TBC1D14: variants seen among roughly 807,000 people sequenced by gnomAD.
TBC1D14 encodes TBC1 domain family, member 14.
A neutral mutation model predicts 79.0 loss-of-function variants in TBC1D14; 26 were observed. That is an observed-to-expected ratio of 0.33 (90% CI 0.24 to 0.46). The LOEUF (loss-of-function observed/expected upper bound fraction) is 0.46, where lower values mean the gene tolerates loss of function less well. Ranked by LOEUF, TBC1D14 falls within the 20% of genes least tolerant of loss-of-function variation. The pLI, the probability that TBC1D14 is intolerant of heterozygous loss-of-function variation, is 1.00. For missense variants in TBC1D14, 769 were observed against 887.6 expected, an observed-to-expected ratio of 0.87 and a Z score of 1.70; for synonymous variants, 394 against 349.9, an observed-to-expected ratio of 1.13 and a Z score of -1.40.
rs935404049 is a variant in TBC1D14 at position 6,923,634 on chromosome 4, G to C, written c.245G>C (p.Ser82Thr). Residue 82 changes from serine to threonine, a missense_variant, in exon 2 of 14, where the codon AGC (serine) becomes ACC (threonine). Ser to Thr is a moderately conservative substitution (Grantham distance 58). Around this residue, in one of 2 missense-constraint regions of TBC1D14, gnomAD observed 402 missense variants for 393.2 expected, o/e 1.02. Coordinates refer to ENST00000409757, the MANE Select transcript of TBC1D14 (RefSeq NM_020773.3). ...EIGNPEPVPC[S>T]AVHVRRKQSD... ...GGGAACCCGGAGCCTGTACCCTGCA[G>C]CGCGGTCCACGTGAGGAGGAAGCAG... 1 of 1,613,982 alleles carries C rather than the reference G, an allele frequency of 6.2e-7. No homozygotes were observed.
chr4:6,999,923 C>G (rs1006629297), intron 6 of TBC1D14, among the ~76,000 whole-genome samples: 2 of 152,090 alleles, frequency 1.3e-5, no homozygotes, highest in Non-Finnish European at 2.9e-5. Flanking sequence ...TGTTTTTATT[C>G]TCGTGTTCAG....
chr4:6,944,173 T>C (rs62289160), intron 2 of TBC1D14, among the ~76,000 whole-genome samples: 3,120 of 152,332 alleles, frequency 0.02, 51 homozygotes, highest in Non-Finnish European at 0.034. Flanking sequence ...GATTTTTCCT[T>C]CTTTTTTTAT....
chr4:6,998,898 A>T, intron 5 of TBC1D14, 187 bp from the exon 6 acceptor site: 2 of 582,458 alleles, frequency 3.4e-6, no homozygotes, highest in Non-Finnish European at 6.2e-6. Context: ...TTGCAAGCTT[A>T]CTAAAGGGTG....
At chr4:6,961,270 C>T (rs1715166701) in intron 2 of TBC1D14, among the ~76,000 whole-genome samples, 1 of 152,176 alleles carries the variant, frequency 6.6e-6, no homozygotes, top group Non-Finnish European at 1.5e-5. Flanking sequence ...GCGTGTTTCC[C>T]AGGCTCTGCC....
intron 2 of TBC1D14, among the ~76,000 whole-genome samples, chr4:6,930,517 G>A (rs567050087): frequency 6.6e-6 from 1 of 152,334 alleles, no homozygotes; most frequent in African/African-American, 2.4e-5. Flanking sequence ...CTATGAGGGG[G>A]CCAGGCGCAG....
intron 4 of TBC1D14, 66 bp downstream of exon 4, chr4:6,994,368 T>C: frequency 6.9e-7 from 1 of 1,446,634 alleles, no homozygotes; most frequent in South Asian, 1.1e-5. Flanking sequence ...GCTAAGCAGC[T>C]TTTCATTAGA....
In TBC1D14 at chr4:6,967,343, A is replaced by T. The variant is rs747011562; in HGVS notation, c.762A>T (p.Lys254Asn). 4 of 1,614,160 alleles carry T rather than the reference A, an allele frequency of 2.5e-6. No homozygotes were observed. The Admixed American group carries it at 6.7e-5, about 27-fold the overall frequency. ...GAAAACAAAGTGCAAGGCTTGACAA[A>T]CACAATGACTTGGGATGGAAGTTAT... ...LARKQSARLD[K>N]HNDLGWKLFG... Residue 254 changes from lysine to asparagine, a missense_variant, in exon 3 of 14, where the codon AAA (lysine) becomes AAT (asparagine). Physicochemically the swap from Lys to Asn is moderately conservative, Grantham distance 94. Transcript: ENST00000409757.
In TBC1D14 at chr4:6,912,214, C is replaced by A. The variant is rs548769829; in HGVS notation, c.-18+2263C>A. On this transcript the variant is annotated intron_variant, in intron 1 of 13. Transcript: ENST00000409757. Reference sequence around the variant, plus strand: ...GACCATCCTGGCCAACATGGTGAAACCCTGTCTATACTAAAAATACAAAAA... The same window carrying A: ...GACCATCCTGGCCAACATGGTGAAAACCTGTCTATACTAAAAATACAAAAA... Among the ~76,000 whole-genome samples the A allele has an allele frequency of 2.6e-5, 4 of 152,002 alleles. No individual in the cohort carries two copies. In the South Asian group the frequency reaches 8.3e-4, roughly 32 times the overall value.
chr4:7,019,872 A>G (rs1394713004), intron 12 of TBC1D14, among the ~76,000 whole-genome samples: 3 of 53,336 alleles, frequency 5.6e-5, no homozygotes, highest in Admixed American at 1.8e-4. Flanking sequence ...GGCTCAGGTC[A>G]GGGAGGACTC....
intron 8 of TBC1D14, among the ~76,000 whole-genome samples, chr4:7,005,977 T>A (rs1318138368): frequency 6.6e-6 from 1 of 152,224 alleles, no homozygotes; most frequent in Non-Finnish European, 1.5e-5. Flanking sequence ...TACTGATCAT[T>A]TTTACAGTCT....
intron 2 of TBC1D14, among the ~76,000 whole-genome samples, chr4:6,930,159 G>A (rs1038930917): frequency 3.3e-5 from 5 of 152,210 alleles, no homozygotes; most frequent in South Asian, 2.1e-4. Context: ...GCTCTAAGCC[G>A]GGTCAGGGTC....
intron 7 of TBC1D14, among the ~76,000 whole-genome samples, chr4:7,003,717 G>A (rs752549230): frequency 1.4e-4 from 22 of 152,082 alleles, no homozygotes; most frequent in Admixed American, 3.9e-4. Flanking sequence ...AGCCAGAGGA[G>A]TGGCGGGTGC....
chr4:7,001,129 T>G lies in TBC1D14; in HGVS notation c.1164-16T>G. The stretch of plus-strand genomic sequence containing the variant: ...GTGTGGAACAAACTCAAACTCCTGC[T>G]TCTGTTTTTGTCCAGGTGGTGCTCT... On this transcript the variant is annotated splice_polypyrimidine_tract_variant and intron_variant, in intron 6 of 13. Transcript: ENST00000409757. 1 of 1,611,236 alleles carries G rather than the reference T, an allele frequency of 6.2e-7. No individual in the cohort carries two copies. Among genetic ancestry groups the G allele is most frequent in the Non-Finnish European group, 8.5e-7 (1 of 1,177,562 alleles).
intron 3 of TBC1D14, among the ~76,000 whole-genome samples, chr4:6,982,786 G>T (rs376511222): frequency 6.6e-6 from 1 of 152,130 alleles, no homozygotes. Flanking sequence ...ATACTGCACC[G>T]ACCTCACAAA....
chr4:7,013,868 C>T lies in TBC1D14; in HGVS notation c.1648-580C>T, dbSNP rs567960675. 7.9e-5 allele frequency among the ~76,000 whole-genome samples: 12 copies of T among 152,210 alleles called. No homozygotes were observed. In the East Asian group the frequency reaches 1.2e-3, roughly 15 times the overall value. The stretch of plus-strand genomic sequence containing the variant: ...ACGCCATTCTCCTGCCTCAGCCTCC[C>T]GAGTAGCTGGGACTACAGGCGCCCG... On this transcript the variant is annotated intron_variant, in intron 11 of 13. Coordinates refer to ENST00000409757, the MANE Select transcript of TBC1D14 (RefSeq NM_020773.3).
At chr4:7,028,780 C>T (rs1487270448) in intron 13 of TBC1D14, among the ~76,000 whole-genome samples, 1 of 152,006 alleles carries the variant, frequency 6.6e-6, no homozygotes, top group Non-Finnish European at 1.5e-5. Context: ...GGTCCATGCA[C>T]ATTTCTCTCA....
intron 3 of TBC1D14, among the ~76,000 whole-genome samples, chr4:6,984,084 T>G (rs1717608945): frequency 7.2e-6 from 1 of 139,566 alleles, no homozygotes; most frequent in South Asian, 2.7e-4. Flanking sequence ...TTCACAGTAC[T>G]GGGGTGAGAG....
chr4:6,956,669 G>C (rs1437490485), intron 2 of TBC1D14, among the ~76,000 whole-genome samples: 1 of 152,248 alleles, frequency 6.6e-6, no homozygotes, highest in Non-Finnish European at 1.5e-5. Flanking sequence ...GGCAAGGCTG[G>C]CATAGCCACT....
At chr4:6,990,944 C>T (rs1185160474) in intron 3 of TBC1D14, among the ~76,000 whole-genome samples, 2 of 152,168 alleles carry the variant, frequency 1.3e-5, no homozygotes, top group Non-Finnish European at 2.9e-5. Context: ...GTGAACAGTC[C>T]TCTTTCTTCT....
Sources: gnomAD v4.1 joint callset for allele counts (sites outside exome capture counted in the v4.1 genomes callset) on GRCh38, gnomAD v4.1.1 for gene constraint, gnomAD v4.1.1 regional missense constraint, MANE v1.5 for transcripts, NCBI Gene and HGNC (gene_info 2026-07-23, HGNC 2026-07-21) for gene names.